GALNT16: variants seen among roughly 807,000 people sequenced by gnomAD.
The protein encoded by GALNT16 is polypeptide N-acetylgalactosaminyltransferase 16.
A neutral mutation model predicts 76.1 loss-of-function variants in GALNT16; 40 were observed. The observed-to-expected ratio is 0.53, with a 90% confidence interval of 0.41 to 0.68. The LOEUF (loss-of-function observed/expected upper bound fraction) is 0.68, where lower values mean the gene tolerates loss of function less well. Among genes scored for constraint, GALNT16 ranks in the 30% least tolerant of loss-of-function variants. The pLI is 0.00. For synonymous variants in GALNT16, 276 were observed against 285.2 expected, an observed-to-expected ratio of 0.97 and a Z score of 0.32; for missense variants, 621 against 731.9, an observed-to-expected ratio of 0.85 and a Z score of 1.75.
At chr14:69,341,624 C>T in intron 11 of GALNT16, 57 bp from the exon 12 acceptor site, 2 of 1,164,604 alleles carry the variant, frequency 1.7e-6, no homozygotes, top group Non-Finnish European at 2.5e-6. Flanking sequence ...TGGCATCCTC[C>T]CTCGGGCTGC....
intron 2 of GALNT16, among the ~76,000 whole-genome samples, chr14:69,324,404 G>A (rs1566880405): frequency 6.6e-6 from 1 of 152,046 alleles, no homozygotes. Context: ...TATATACTAG[G>A]GAGCCCCCTC....
intron 12 of GALNT16, among the ~76,000 whole-genome samples, chr14:69,342,825 G>A (rs2045512220): frequency 1.3e-5 from 2 of 152,128 alleles, no homozygotes; most frequent in Admixed American, 6.5e-5. Flanking sequence ...ACCTTCCTCA[G>A]GCCTTGACTC....
chr14:69,378,238 C>T, the GALNT16 span, among the ~76,000 whole-genome samples: 2 of 152,194 alleles, frequency 1.3e-5, no homozygotes. Flanking sequence ...CCTCTTAAAT[C>T]AAGCACTACA....
Position 69,310,856 on chromosome 14 carries a change from G to A in GALNT16, c.178-9855G>A, listed in dbSNP as rs186307181. Among the ~76,000 whole-genome samples the A allele has an allele frequency of 3.4e-3, 518 of 152,194 alleles. 3 individuals carry two copies. The highest frequency in any genetic ancestry group is 0.012 in the African/African-American group (496 of 41,504). On this transcript the variant is annotated intron_variant, in intron 1 of 14. Coordinates refer to ENST00000448469, the MANE Select transcript of GALNT16 (RefSeq NM_001168368.2). ...CTTGAGCCCAGGAGGTTGAGGCTGC[G>A]GTGAGCTGTGATGGCACCACTGCAC...
At chr14:69,375,140 A>G in the GALNT16 span, among the ~76,000 whole-genome samples, 19 of 152,306 alleles carry the variant, frequency 1.2e-4, no homozygotes, top group South Asian at 3.3e-3. Context: ...TATCATTACA[A>G]AGCATCCCCC....
chr14:69,362,642 G>A, the GALNT16 span, among the ~76,000 whole-genome samples: 1 of 152,202 alleles, frequency 6.6e-6, no homozygotes, highest in Non-Finnish European at 1.5e-5. Context: ...GTTCTCAACT[G>A]AAAAATGGGT....
chr14:69,353,980 A>G lies in GALNT16; in HGVS notation c.*1812A>G, dbSNP rs1305783723. 6.6e-6 allele frequency: 1 copy of G among 152,232 alleles called. No individual in the cohort carries two copies. The highest frequency in any genetic ancestry group is 1.9e-4 in the East Asian group (1 of 5,164). 9.4% of individuals were successfully genotyped at this position (152,232 alleles called of 1,614,324 possible). On this transcript the variant is annotated 3_prime_UTR_variant, in exon 15 of 15. Coordinates refer to ENST00000448469, the MANE Select transcript of GALNT16 (RefSeq NM_001168368.2). ...CTCTCACCAGCGTCCTCTCGGCAGC[A>G]CTCCCGTGCCCAAGTGCACCCCTCT...
the GALNT16 span, among the ~76,000 whole-genome samples, chr14:69,379,765 A>G: frequency 6.6e-6 from 1 of 152,184 alleles, no homozygotes; most frequent in Admixed American, 6.5e-5. Flanking sequence ...CTAGTATCCA[A>G]CTGAAGGCTC....
At chr14:69,351,987 A>G in intron 14 of GALNT16, 44 bp from the exon 15 acceptor site, 2 of 1,550,386 alleles carry the variant, frequency 1.3e-6, no homozygotes, top group Non-Finnish European at 1.8e-6. Context: ...TTTTTAAATC[A>G]TTGTTTTCTC....
rs193116541 is a variant in GALNT16 at position 69,276,581 on chromosome 14, T to C, written c.177+16114T>C. ...CTGTAATCCCAGCTACTCAGGAGGCTGAGGCAGGAGAATCGCTTGTACCCA... is the reference window on the plus strand; with the variant it reads ...CTGTAATCCCAGCTACTCAGGAGGCCGAGGCAGGAGAATCGCTTGTACCCA... On this transcript the variant is annotated intron_variant, in intron 1 of 14. Transcript: ENST00000448469. 4.9e-3 allele frequency among the ~76,000 whole-genome samples: 741 copies of C among 151,856 alleles called. 9 individuals carry two copies. The highest frequency in any genetic ancestry group is 0.027 in the South Asian group (128 of 4,804).
chr14:69,315,700 T>A (rs1366469067), intron 1 of GALNT16, among the ~76,000 whole-genome samples: 2 of 152,208 alleles, frequency 1.3e-5, no homozygotes, highest in Non-Finnish European at 2.9e-5. Context: ...TGGGTTTGAC[T>A]TTGTTTTTTA....
the GALNT16 span, among the ~76,000 whole-genome samples, chr14:69,364,792 T>C: frequency 6.6e-6 from 1 of 152,060 alleles, no homozygotes; most frequent in Non-Finnish European, 1.5e-5. The surrounding 1 kb of genome is among the most constrained non-coding windows in gnomAD (Gnocchi z 4.2). Flanking sequence ...ACCCCAGGAG[T>C]GGGCAGGAGG....
Position 69,261,143 on chromosome 14 carries a change from C to T in GALNT16, c.177+676C>T, listed in dbSNP as rs1042683900. 6.6e-6 allele frequency among the ~76,000 whole-genome samples: 1 copy of T among 152,132 alleles called. No individual in the cohort carries two copies. Among genetic ancestry groups the T allele is most frequent in the African/African-American group, 2.4e-5 (1 of 41,424 alleles). On this transcript the variant is annotated intron_variant, in intron 1 of 14. Coordinates refer to ENST00000448469, the MANE Select transcript of GALNT16 (RefSeq NM_001168368.2). This position sits in a 1 kb window ranked among gnomAD's most constrained non-coding sequence, Gnocchi z 6.4. ...GGGCAGTGTCAGCGCCCGAACTTGGCGATACCCTTGCATGAAGTCAGCCTC... is the reference window on the plus strand; with the variant it reads ...GGGCAGTGTCAGCGCCCGAACTTGGTGATACCCTTGCATGAAGTCAGCCTC...
the GALNT16 span, chr14:69,380,520 C>G: frequency 4.4e-6 from 6 of 1,366,674 alleles, no homozygotes; most frequent in South Asian, 1.2e-5. Context: ...CCCAACCCCC[C>G]CAGTGCTTCC....
chr14:69,311,107 G>T (rs183538577), intron 1 of GALNT16, among the ~76,000 whole-genome samples: 1 of 152,100 alleles, frequency 6.6e-6, no homozygotes, highest in Non-Finnish European at 1.5e-5. Flanking sequence ...TCACAGCCAG[G>T]GTGGCTTATA....
chr14:69,339,713 C>T (rs1029370507), intron 11 of GALNT16, 94 bp downstream of exon 11: 37 of 713,966 alleles, frequency 5.2e-5, no homozygotes, highest in African/African-American at 4.7e-4. Flanking sequence ...GGGAACCACC[C>T]GCCACCTCCC....
intron 1 of GALNT16, among the ~76,000 whole-genome samples, chr14:69,299,343 G>A (rs1013727760): frequency 1.3e-5 from 2 of 152,140 alleles, no homozygotes; most frequent in Non-Finnish European, 2.9e-5. Flanking sequence ...CAAGTCTCAG[G>A]TTCCTAGGAA....
chr14:69,281,588 C>G (rs1277663420), intron 1 of GALNT16, among the ~76,000 whole-genome samples: 1 of 151,998 alleles, frequency 6.6e-6, no homozygotes, highest in African/African-American at 2.4e-5. Flanking sequence ...GTGGAAATCT[C>G]TCTCCTTTGT....
At chr14:69,276,635 C>T (rs1016180530) in intron 1 of GALNT16, among the ~76,000 whole-genome samples, 2 of 151,178 alleles carry the variant, frequency 1.3e-5, no homozygotes, top group Admixed American at 6.6e-5. Context: ...GAGCCGAGAT[C>T]ACGCCACTGC....
Sources: gnomAD v4.1 joint callset for allele counts (sites outside exome capture counted in the v4.1 genomes callset) on GRCh38, gnomAD v4.1.1 for gene constraint, Gnocchi (gnomAD v3.1) non-coding constraint, MANE v1.5 for transcripts, NCBI Gene and HGNC (gene_info 2026-07-23, HGNC 2026-07-21) for gene names.